EYS: variants seen among roughly 807,000 people sequenced by gnomAD.
EYS encodes protein eyes shut homolog.
In EYS, 250 loss-of-function variants were observed where a neutral mutation model predicts 282.1. The observed-to-expected ratio is 0.89, with a 90% CI of 0.80 to 0.98. EYS has a LOEUF of 0.98. EYS is among the 50% of genes least tolerant of loss of function. The pLI, the probability that EYS is intolerant of heterozygous loss-of-function variation, is 0.00. For synonymous variants in EYS, 1,355 were observed against 1,282.9 expected (o/e 1.06, Z -1.20); for missense variants, 4,016 against 3,709.0 (o/e 1.08, Z -2.15).
At chr6:64,611,670 T>A (rs1436585766) in intron 24 of EYS, among the ~76,000 whole-genome samples, 1 of 152,176 alleles carries the variant, frequency 6.6e-6, no homozygotes, top group Non-Finnish European at 1.5e-5. Context: ...AAGAGCATTA[T>A]TGATTTTTTT....
intron 26 of EYS, among the ~76,000 whole-genome samples, chr6:64,535,805 T>C (rs372570389): frequency 1.4e-4 from 22 of 152,272 alleles, no homozygotes; most frequent in African/African-American, 5.3e-4. Flanking sequence ...AAAATGATTT[T>C]TCTGTAGCTT....
intron 5 of EYS, among the ~76,000 whole-genome samples, chr6:65,423,363 A>G (rs1396945553): frequency 6.6e-6 from 1 of 151,932 alleles, no homozygotes; most frequent in East Asian, 1.9e-4. Flanking sequence ...AAGGCAGGTA[A>G]TTTGTTAAAA....
rs187181548 is a variant in EYS, at chr6:65,412,188, A to C, written c.863-6821T>G. The stretch of plus-strand genomic sequence containing the variant: ...GCCTTACCAGGCAACAGATCTTCTG[A>C]GACCTTGATCTCTATTGCCCAGCCT... On this transcript the variant is annotated intron_variant, in intron 5 of 42. Coordinates refer to ENST00000503581, the MANE Select transcript of EYS (RefSeq NM_001142800.2). Among the ~76,000 whole-genome samples the C allele has an allele frequency of 4.6e-3, 701 of 152,244 alleles. 6 individuals carry two copies. Among genetic ancestry groups the C allele is most frequent in the African/African-American group, 0.016 (667 of 41,564 alleles).
intron 12 of EYS, among the ~76,000 whole-genome samples, chr6:65,275,974 T>C (rs1380530088): frequency 2.6e-5 from 4 of 151,876 alleles, no homozygotes; most frequent in South Asian, 2.1e-4. Context: ...TAACACTGCT[T>C]CTAATAAAAA....
chr6:65,598,133 AAC>A (rs1765474428), intron 2 of EYS, among the ~76,000 whole-genome samples: 2 of 151,130 alleles, frequency 1.3e-5, no homozygotes, highest in Non-Finnish European at 3.0e-5. Flanking sequence ...CAAACAAACA[AAC>A]AAACAAACTC....
At chr6:64,115,055 T>G (rs752969258) in intron 31 of EYS, among the ~76,000 whole-genome samples, 11 of 152,152 alleles carry the variant, frequency 7.2e-5, no homozygotes, top group Non-Finnish European at 1.6e-4. Context: ...ACTTTATGCA[T>G]GCCCAAGCTC....
chr6:65,023,716 G>A (rs1033744186), intron 13 of EYS, among the ~76,000 whole-genome samples: 4 of 152,184 alleles, frequency 2.6e-5, no homozygotes, highest in Admixed American at 2.0e-4. Context: ...GAGGAGACTC[G>A]GGTTTGCTTG....
chr6:65,413,754 G>A (rs368542372), intron 5 of EYS, among the ~76,000 whole-genome samples: 3 of 151,978 alleles, frequency 2.0e-5, no homozygotes, highest in African/African-American at 4.8e-5. Context: ...TACTCGGAAG[G>A]CTGAGGCAGA....
intron 19 of EYS, among the ~76,000 whole-genome samples, chr6:64,885,087 C>T (rs1767046577): frequency 6.6e-6 from 1 of 151,646 alleles, no homozygotes; most frequent in Admixed American, 6.6e-5. Flanking sequence ...ATTACCCCAT[C>T]CTGGTACTGT....
intron 12 of EYS, among the ~76,000 whole-genome samples, chr6:65,083,242 A>G (rs575959976): frequency 6.6e-6 from 1 of 152,168 alleles, no homozygotes; most frequent in African/African-American, 2.4e-5. Context: ...GAAGTCCTTC[A>G]GTAGAACCAA....
At chr6:65,653,073 A>C (rs1767708768) in intron 1 of EYS, among the ~76,000 whole-genome samples, 1 of 151,968 alleles carries the variant, frequency 6.6e-6, no homozygotes, top group Admixed American at 6.6e-5. Context: ...GTCCTGAAAA[A>C]GTGGGAGCCA....
In EYS at chr6:65,512,492, C is replaced by CA. The variant is rs71002313; in HGVS notation, c.-332-16500dup. 6.0e-3 allele frequency among the ~76,000 whole-genome samples: 708 copies of CA among 117,734 alleles called. 4 individuals carry two copies. Among genetic ancestry groups the CA allele is most frequent in the Middle Eastern group, 9.0e-3 (2 of 222 alleles). The allele number at this position is 117,734 out of a possible 152,430, so 77.2% of individuals were successfully genotyped here. On this transcript the variant is annotated intron_variant, in intron 2 of 42. Transcript: ENST00000503581. ...TGGGCGACAGAGCGAGACTCTATCT[C>CA]AAAAAAAAAAAAAAAAAAAAATTAC...
chr6:64,852,329 A>T (rs1370567815), intron 19 of EYS, among the ~76,000 whole-genome samples: 3 of 152,126 alleles, frequency 2.0e-5, no homozygotes, highest in Non-Finnish European at 4.4e-5. Context: ...GATACAAAGC[A>T]GGCAGAAAAA....
At chr6:64,512,356 C>G (rs16895402) in intron 26 of EYS, among the ~76,000 whole-genome samples, 7,819 of 151,992 alleles carry the variant, frequency 0.051, 677 homozygotes, top group African/African-American at 0.18. Flanking sequence ...AGCCAAAATA[C>G]GCAATCTATT....
intron 12 of EYS, among the ~76,000 whole-genome samples, chr6:65,115,970 T>TATC (rs71852864): frequency 0.12 from 13,911 of 113,602 alleles, 819 homozygotes; most frequent in African/African-American, 0.2. Context: ...CTATCTAATC[T>TATC]ATCTATCTAT....
intron 14 of EYS, among the ~76,000 whole-genome samples, chr6:64,993,491 C>T (rs796109330): frequency 5.5e-5 from 8 of 145,820 alleles, no homozygotes; most frequent in African/African-American, 1.8e-4. Flanking sequence ...AAAATCAAAC[C>T]TGCATGTTCT....
chr6:65,140,209 T>A (rs1376850003), intron 12 of EYS, among the ~76,000 whole-genome samples: 1 of 151,978 alleles, frequency 6.6e-6, no homozygotes, highest in Non-Finnish European at 1.5e-5. Context: ...TGAAATGCAA[T>A]TTTAGAAATA....
chr6:65,364,150 T>A (rs1278577465), intron 8 of EYS, among the ~76,000 whole-genome samples: 2 of 151,222 alleles, frequency 1.3e-5, no homozygotes, highest in African/African-American at 4.8e-5. Context: ...TAACATCTGA[T>A]ACATCACATC....
At chr6:64,776,210 A>T (rs546723946) in intron 22 of EYS, among the ~76,000 whole-genome samples, 5 of 152,260 alleles carry the variant, frequency 3.3e-5, no homozygotes, top group African/African-American at 1.2e-4. Flanking sequence ...TCTTTTAAAA[A>T]TTCATTGCTT....
Sources: gnomAD v4.1 joint callset for allele counts (sites outside exome capture counted in the v4.1 genomes callset) on GRCh38, gnomAD v4.1.1 for gene constraint, MANE v1.5 for transcripts, NCBI Gene and HGNC (gene_info 2026-07-23, HGNC 2026-07-21) for gene names.